DENND3: variants seen among roughly 807,000 people sequenced by gnomAD.
DENND3 encodes DENN domain-containing protein 3.
DENND3 carries 88 observed loss-of-function variants against 135.1 expected under a neutral mutation model. That is an observed-to-expected ratio of 0.65 (90% CI 0.55 to 0.78). The LOEUF (loss-of-function observed/expected upper bound fraction) is 0.78, where lower values mean the gene tolerates loss of function less well. Ranked by LOEUF, DENND3 falls within the 30% of genes least tolerant of loss-of-function variation. The pLI is 0.00. For missense variants in DENND3, 1,392 were observed against 1,688.4 expected (o/e 0.82, Z 3.08); for synonymous variants, 693 against 712.3 (o/e 0.97, Z 0.43).
chr8:141,168,644 C>T lies in DENND3; in HGVS notation c.2275+119C>T, dbSNP rs1250062607. 2 of 1,293,276 alleles carry T rather than the reference C, an allele frequency of 1.5e-6. No individual in the cohort carries two copies. The highest frequency in any genetic ancestry group is 3.0e-5 in the African/African-American group (2 of 66,762). 80.1% of individuals were successfully genotyped at this position (1,293,276 alleles called of 1,614,324 possible). A position where few individuals can be genotyped will look rare whatever the true frequency, so the allele number is the denominator to read the frequency against. On this transcript the variant is annotated intron_variant, in intron 13 of 22. Transcript: ENST00000519811. The surrounding 1 kb of genome is among the most constrained non-coding windows in gnomAD (Gnocchi z 6.2). ...CACTGCAACCTCCACCTCCTGGGCTCAAGCAGTCCTCCCACCTCAGCCTCC... is the reference window on the plus strand; with the variant it reads ...CACTGCAACCTCCACCTCCTGGGCTTAAGCAGTCCTCCCACCTCAGCCTCC...
At chr8:141,134,380 C>T (rs113358605) in intron 1 of DENND3, among the ~76,000 whole-genome samples, 1,806 of 150,840 alleles carry the variant, frequency 0.012, 12 homozygotes, top group Non-Finnish European at 0.015. Flanking sequence ...CTGCAAGCTC[C>T]GCCTCCCGGG....
Position 141,141,226 on chromosome 8 carries a change from CA to C in DENND3, c.529del (p.Thr177ArgfsTer37). ...LHDEYCFYNG[K>X]THRECPGCFV... Reference sequence around the variant, plus strand: ...AGGATGAGTACTGTTTCTACAATGGCAAAACGCACCGGGAGTGTCCTGGCTG... The same window carrying C: ...AGGATGAGTACTGTTTCTACAATGGCAAACGCACCGGGAGTGTCCTGGCTG... On this transcript the variant is annotated frameshift_variant, in exon 4 of 23. Coordinates refer to ENST00000519811, the MANE Select transcript of DENND3 (RefSeq NM_001352890.3). LOFTEE classifies it high-confidence loss of function. The surrounding 1 kb of genome is among the most constrained non-coding windows in gnomAD (Gnocchi z 5.3). The C allele has an allele frequency of 1.2e-6, 2 of 1,614,202 alleles. No individual in the cohort carries two copies. The highest frequency in any genetic ancestry group is 1.7e-6 in the Non-Finnish European group (2 of 1,180,034).
chr8:141,187,834 A>G (rs1311362633), intron 18 of DENND3, among the ~76,000 whole-genome samples: 2 of 152,260 alleles, frequency 1.3e-5, no homozygotes, highest in Non-Finnish European at 2.9e-5. Flanking sequence ...CAACAAAAAA[A>G]GGAAAAATTA....
At chr8:141,177,986 T>C in intron 15 of DENND3, 81 bp from the exon 16 acceptor site, 2 of 1,506,248 alleles carry the variant, frequency 1.3e-6, no homozygotes, top group Non-Finnish European at 1.8e-6. Context: ...GGAAGGATTG[T>C]CCTGTGTGTT....
At position 141,147,027 on chromosome 8, in the gene DENND3, C is replaced by T. The variant is rs561670299; in HGVS notation, c.735+2768C>T. On this transcript the variant is annotated intron_variant, in intron 5 of 22. Coordinates refer to ENST00000519811, the MANE Select transcript of DENND3 (RefSeq NM_001352890.3). ...GTGCGTAGCACTCCCAGCGCTGCTC[C>T]GGGTCTCCTGGCCCGATGACTCTCG... Among the ~76,000 whole-genome samples, 25 of 152,298 alleles carry T rather than the reference C, an allele frequency of 1.6e-4. 1 individual carries two copies. In the South Asian group the frequency reaches 3.5e-3, roughly 21 times the overall value.
Position 141,175,088 on chromosome 8 carries a change from AC to A in DENND3, c.2276-110del, listed in dbSNP as rs1172087485. ...ATCCAGCGCCCTGAGTGCTGGCGCC[AC>A]CTGCTGCCGGGTTCCGGTAGTGTGC... On this transcript the variant is annotated intron_variant, in intron 13 of 22. Coordinates refer to ENST00000519811, the MANE Select transcript of DENND3 (RefSeq NM_001352890.3). This position sits in a 1 kb window ranked among gnomAD's most constrained non-coding sequence, Gnocchi z 5.4. The A allele has an allele frequency of 2.3e-6, 3 of 1,317,338 alleles. No individual in the cohort carries two copies. Among genetic ancestry groups the A allele is most frequent in the Non-Finnish European group, 3.1e-6 (3 of 965,734 alleles). The allele number at this position is 1,317,338 out of a possible 1,614,324, so 81.6% of individuals were successfully genotyped here. A position where few individuals can be genotyped will look rare whatever the true frequency, so the allele number is the denominator to read the frequency against.
Position 141,166,503 on chromosome 8 carries a change from C to A in DENND3, c.1753+114C>A. On this transcript the variant is annotated intron_variant, in intron 12 of 22. Transcript: ENST00000519811. The surrounding 1 kb of genome is among the most constrained non-coding windows in gnomAD (Gnocchi z 4.3). ...GGAGAGACGAGTGGGCTTGTTTTAG[C>A]AGCTGAGTTATTTGAAATGTTTAGA... The A allele has an allele frequency of 9.1e-7, 1 of 1,102,502 alleles. No individual in the cohort carries two copies. The highest frequency in any genetic ancestry group is 1.3e-6 in the Non-Finnish European group (1 of 785,070). 68.3% of individuals were successfully genotyped at this position (1,102,502 alleles called of 1,614,324 possible).
Position 141,136,527 on chromosome 8 carries a change from G to T in DENND3, c.121G>T (p.Val41Phe). Residue 41 changes from valine (V) to phenylalanine (F), a missense_variant, in exon 2 of 23, where the codon GTC (valine) becomes TTC (phenylalanine). Transcript: ENST00000519811. ...TTTTTAGGTTGCTTATAAAAAGGGAGTCAAACATCTTTCTGCTCTTCTTGA... is the reference window on the plus strand; with the variant it reads ...TTTTTAGGTTGCTTATAAAAAGGGATTCAAACATCTTTCTGCTCTTCTTGA... ...SLEQVAYKKGVKHLSALLDPE... is the reference protein window; with the variant it reads ...SLEQVAYKKGFKHLSALLDPE... 1 of 1,547,490 alleles carries T rather than the reference G, an allele frequency of 6.5e-7. No individual in the cohort carries two copies. The highest frequency in any genetic ancestry group is 8.7e-7 in the Non-Finnish European group (1 of 1,145,798).
At chr8:141,193,075 C>T in intron 22 of DENND3, 2 of 359,026 alleles carry the variant, frequency 5.6e-6, no homozygotes, top group East Asian at 8.0e-5. Flanking sequence ...GGACGTGGCA[C>T]TCTAACCTGT....
intron 17 of DENND3, among the ~76,000 whole-genome samples, chr8:141,181,435 A>T (rs1164824032): frequency 1.3e-5 from 2 of 152,222 alleles, no homozygotes; most frequent in African/African-American, 4.8e-5. Flanking sequence ...ATTTGTTGTC[A>T]TAGGAACTGG....
At chr8:141,173,620 C>T (rs1316277718) in intron 13 of DENND3, 3 of 152,270 alleles carry the variant, frequency 2.0e-5, no homozygotes, top group Admixed American at 1.3e-4. Flanking sequence ...ATTCCCTAGA[C>T]AGGCATCGCT....
At chr8:141,132,363 T>A (rs1183975096) in intron 1 of DENND3, among the ~76,000 whole-genome samples, 1 of 151,958 alleles carries the variant, frequency 6.6e-6, no homozygotes, top group Non-Finnish European at 1.5e-5. Context: ...TATTTATTAT[T>A]TTTTTTTGTG....
At chr8:141,183,648 C>T (rs1175797209) in intron 17 of DENND3, among the ~76,000 whole-genome samples, 6 of 151,262 alleles carry the variant, frequency 4.0e-5, no homozygotes, top group Admixed American at 6.6e-5. Flanking sequence ...GGGTAGAAGA[C>T]CAAAGAGCGC....
chr8:141,188,013 C>CCTAT (rs1390213446), intron 18 of DENND3, among the ~76,000 whole-genome samples: 1 of 150,116 alleles, frequency 6.7e-6, no homozygotes, highest in Non-Finnish European at 1.5e-5. Flanking sequence ...GTGGGGAAAC[C>CCTAT]CTATCTCTAC....
rs765049156 is a variant in DENND3, at chr8:141,163,316, CT to C, written c.1353-16del. 5.3e-6 allele frequency: 8 copies of C among 1,503,064 alleles called. No individual in the cohort carries two copies. The highest frequency in any genetic ancestry group is 7.3e-6 in the Non-Finnish European group (8 of 1,088,684). 93.1% of individuals were successfully genotyped at this position (1,503,064 alleles called of 1,614,324 possible). On this transcript the variant is annotated splice_polypyrimidine_tract_variant and intron_variant, in intron 9 of 22. Coordinates refer to ENST00000519811, the MANE Select transcript of DENND3 (RefSeq NM_001352890.3). ...TTAAGAAAGTTTTAGCACTCAGACT[CT>C]CTTTCTCTTTGTTAGGGATGTAAAG...
chr8:141,194,250 C>T lies in DENND3; in HGVS notation c.*17C>T. On this transcript the variant is annotated 3_prime_UTR_variant, in exon 23 of 23. Transcript: ENST00000519811. ...GGCGAATAAACGTGGCTGAGTCTGC[C>T]AAGTGGAACTGTGCCCTATGTGTGG... 3 of 1,608,004 alleles carry T rather than the reference C, an allele frequency of 1.9e-6. No homozygotes were observed. The highest frequency in any genetic ancestry group is 2.2e-5 in the South Asian group (2 of 89,676).
chr8:141,194,054 C>T lies in DENND3; in HGVS notation c.3658C>T (p.Leu1220=), dbSNP rs761016592. The change falls in exon 23 of 23, where the codon CTG becomes TTG. Residue 1220 remains leucine (L), a synonymous_variant. Coordinates refer to ENST00000519811, the MANE Select transcript of DENND3 (RefSeq NM_001352890.3). ...GCAGGTCTGGGTGGGCAGCCGAGGGCTGGGGCAGGGAACACCCAAGGGGAA... is the reference window on the plus strand; with the variant it reads ...GCAGGTCTGGGTGGGCAGCCGAGGGTTGGGGCAGGGAACACCCAAGGGGAA... ...KKQVWVGSRG[L]GQGTPKGKIY... 13 of 1,613,678 alleles carry T rather than the reference C, an allele frequency of 8.1e-6. No homozygotes were observed. The South Asian group carries it at 1.4e-4, about 18-fold the overall frequency.
intron 14 of DENND3, chr8:141,176,284 AAAC>A (rs1213989099): frequency 1.9e-5 from 4 of 205,304 alleles, no homozygotes; most frequent in African/African-American, 5.5e-5. Context: ...AACAAAAACA[AAAC>A]AAAAAAAAAA....
intron 16 of DENND3, among the ~76,000 whole-genome samples, chr8:141,178,921 C>G (rs1241029288): frequency 3.3e-5 from 5 of 152,210 alleles, no homozygotes; most frequent in Non-Finnish European, 7.3e-5. Context: ...GTCCCTTCAT[C>G]AGTGAGTGAG....
Sources: gnomAD v4.1 joint callset for allele counts (sites outside exome capture counted in the v4.1 genomes callset) on GRCh38, gnomAD v4.1.1 for gene constraint, Gnocchi (gnomAD v3.1) non-coding constraint, MANE v1.5 for transcripts, NCBI Gene and HGNC (gene_info 2026-07-23, HGNC 2026-07-21) for gene names.